The following PKHD1 variants were observed in gnomAD, a reference collection of about 807,000 sequenced individuals.
The protein encoded by PKHD1 is fibrocystin.
A neutral mutation model predicts 412.0 loss-of-function variants in PKHD1; 291 were observed. That is an observed-to-expected ratio of 0.71 (90% CI 0.64 to 0.78). The LOEUF is 0.78. Among genes scored for constraint, PKHD1 ranks in the 30% least tolerant of loss-of-function variants. PKHD1 has a pLI of 0.00. For synonymous variants in PKHD1, 1,777 were observed against 1,821.5 expected, an observed-to-expected ratio of 0.98 and a Z score of 0.62; for missense variants, 4,825 against 4,950.7, an observed-to-expected ratio of 0.97 and a Z score of 0.76.
intron 36 of PKHD1, among the ~76,000 whole-genome samples, chr6:51,957,532 A>C (rs886961959): frequency 8.5e-5 from 13 of 152,084 alleles, no homozygotes; most frequent in African/African-American, 2.9e-4. Context: ...TAGGCCAAAA[A>C]TGTGGTGGTT....
intron 60 of PKHD1, among the ~76,000 whole-genome samples, chr6:51,703,311 T>C (rs541053371): frequency 6.6e-6 from 1 of 152,096 alleles, no homozygotes; most frequent in South Asian, 2.1e-4. Context: ...TAGTGGTGGG[T>C]GTTCCAGTAA....
chr6:51,957,824 C>A (rs190543810), intron 36 of PKHD1, among the ~76,000 whole-genome samples: 2 of 152,200 alleles, frequency 1.3e-5, no homozygotes, highest in African/African-American at 4.8e-5. Flanking sequence ...CAACTCTAAT[C>A]TTACACAACT....
At position 52,005,835 on chromosome 6, in the gene PKHD1, G is replaced by A. The variant is rs58332183; in HGVS notation, c.5751+4474C>T. 1.4e-3 allele frequency among the ~76,000 whole-genome samples: 220 copies of A among 151,760 alleles called. 1 individual carries two copies. Among genetic ancestry groups the A allele is most frequent in the African/African-American group, 4.9e-3 (204 of 41,344 alleles). On this transcript the variant is annotated intron_variant, in intron 35 of 66. Coordinates refer to ENST00000371117, the MANE Select transcript of PKHD1 (RefSeq NM_138694.4). ...AAAGTCCTTTGGTAGGAAAACCTACGTAACTTTTTTTTTTAATTTGTTTTG... is the reference window on the plus strand; with the variant it reads ...AAAGTCCTTTGGTAGGAAAACCTACATAACTTTTTTTTTTAATTTGTTTTG...
At chr6:52,033,538 T>A (rs995488021) in intron 28 of PKHD1, among the ~76,000 whole-genome samples, 3 of 151,970 alleles carry the variant, frequency 2.0e-5, no homozygotes, top group Admixed American at 1.3e-4. Context: ...AGTATGAGAG[T>A]ACTTTCAGAC....
At chr6:51,757,718 A>G (rs1787255252) in intron 55 of PKHD1, among the ~76,000 whole-genome samples, 1 of 152,024 alleles carries the variant, frequency 6.6e-6, no homozygotes, top group Non-Finnish European at 1.5e-5. Context: ...AAGACTATAT[A>G]AGGCCAGGTA....
Position 52,039,052 on chromosome 6 carries a change from C to T in PKHD1, c.3098-3331G>A, listed in dbSNP as rs376580709. Among the ~76,000 whole-genome samples the T allele has an allele frequency of 8.4e-4, 128 of 152,254 alleles. 1 individual carries two copies. Among genetic ancestry groups the T allele is most frequent in the African/African-American group, 2.8e-3 (118 of 41,554 alleles). ...ACCTCAACAATAAAATGACAAATAACTCAATTTAAAAATTGGCAAGATTTG... is the reference window on the plus strand; with the variant it reads ...ACCTCAACAATAAAATGACAAATAATTCAATTTAAAAATTGGCAAGATTTG... On this transcript the variant is annotated intron_variant, in intron 27 of 66. Transcript: ENST00000371117.
chr6:51,722,916 C>G (rs988357094), intron 60 of PKHD1, among the ~76,000 whole-genome samples: 1 of 152,142 alleles, frequency 6.6e-6, no homozygotes, highest in African/African-American at 2.4e-5. Flanking sequence ...GGAACCACCA[C>G]AGAAATAGGC....
intron 43 of PKHD1, among the ~76,000 whole-genome samples, chr6:51,896,199 T>C (rs1779945933): frequency 6.6e-6 from 1 of 151,610 alleles, no homozygotes; most frequent in Non-Finnish European, 1.5e-5. Flanking sequence ...CTCTGTAGGC[T>C]CCACCTCTGG....
At chr6:51,928,863 G>T (rs1786122364) in intron 37 of PKHD1, among the ~76,000 whole-genome samples, 1 of 152,162 alleles carries the variant, frequency 6.6e-6, no homozygotes, top group Admixed American at 6.5e-5. Context: ...TAAGGCCATT[G>T]TCTTTCTCTC....
chr6:51,722,164 T>C (rs948284196), intron 60 of PKHD1: 4 of 1,385,502 alleles, frequency 2.9e-6, no homozygotes, highest in Non-Finnish European at 2.0e-6. Flanking sequence ...TCTTTACTCA[T>C]GCCCGCCCTC....
At chr6:52,048,368 G>A (rs912055313) in intron 23 of PKHD1, 124 bp downstream of exon 23, 4 of 1,030,168 alleles carry the variant, frequency 3.9e-6, no homozygotes, top group African/African-American at 1.6e-5. Context: ...TTCAGACACT[G>A]GAAAATAAAT....
rs755140707 is a variant in PKHD1, at chr6:52,064,995, C to A, written c.936G>T (p.Arg312=). 6.2e-7 allele frequency: 1 copy of A among 1,604,508 alleles called. No individual in the cohort carries two copies. The highest frequency in any genetic ancestry group is 1.4e-5 in the African/African-American group (1 of 72,736). ...TGAGCCTCACATCTTTTCCTGGAGC[C>A]CGAGTGGTGCACTCAATCTTCCTGG... The part of the protein sequence containing the change: ...VSPRKIECTT[R]APGKDVRLTT... Residue 312 remains arginine (R), a synonymous_variant, in exon 13 of 67, where the codon CGG becomes CGT. Coordinates refer to ENST00000371117, the MANE Select transcript of PKHD1 (RefSeq NM_138694.4).
intron 60 of PKHD1, among the ~76,000 whole-genome samples, chr6:51,707,200 A>C (rs1780112951): frequency 6.6e-6 from 1 of 152,160 alleles, no homozygotes; most frequent in Non-Finnish European, 1.5e-5. Flanking sequence ...CTGTCCCAAG[A>C]AAGAATGTTG....
chr6:51,641,860 A>T (rs907557194), intron 63 of PKHD1, among the ~76,000 whole-genome samples: 1 of 152,174 alleles, frequency 6.6e-6, no homozygotes, highest in Non-Finnish European at 1.5e-5. Context: ...ACATATGGGC[A>T]CAGGGAGGGG....
At chr6:52,077,250 G>A (rs916278162) in intron 5 of PKHD1, among the ~76,000 whole-genome samples, 2 of 152,140 alleles carry the variant, frequency 1.3e-5, no homozygotes, top group African/African-American at 2.4e-5. Flanking sequence ...TCACCTGTAG[G>A]CATCTGTGTT....
At position 51,746,842 on chromosome 6, in the gene PKHD1, C is replaced by G. The variant is rs1060501356; in HGVS notation, c.9877G>C (p.Asp3293His). ...TCTGCATTTGGTAGAATGCAGACAT[C>G]CAGGTCATCGCTATAGCAACTCTTC... ...FVKSCYSDDL[D>H]VCILPNAENS... The change falls in exon 59 of 67, where the codon GAT (aspartate) becomes CAT (histidine). Residue 3293 changes from aspartate to histidine, a missense_variant. Physicochemically the swap from Asp to His is moderately conservative, Grantham distance 81. Transcript: ENST00000371117. The G allele has an allele frequency of 6.2e-7, 1 of 1,610,780 alleles. No homozygotes were observed. The highest frequency in any genetic ancestry group is 8.5e-7 in the Non-Finnish European group (1 of 1,177,554).
intron 60 of PKHD1, among the ~76,000 whole-genome samples, chr6:51,724,738 A>C (rs1224092477): frequency 6.6e-6 from 1 of 152,208 alleles, no homozygotes; most frequent in Non-Finnish European, 1.5e-5. Context: ...TAAGTTAAGG[A>C]TCTTGAGTGA....
chr6:51,628,447 T>C (rs947444576), intron 65 of PKHD1, among the ~76,000 whole-genome samples: 1 of 152,220 alleles, frequency 6.6e-6, no homozygotes, highest in Non-Finnish European at 1.5e-5. Flanking sequence ...ATGGTATATA[T>C]GTATCACATT....
chr6:51,927,042 C>T (rs566032894), intron 37 of PKHD1, among the ~76,000 whole-genome samples: 60 of 152,228 alleles, frequency 3.9e-4, no homozygotes, highest in Non-Finnish European at 6.2e-4. Flanking sequence ...AACCCCAACA[C>T]TGAATTAAAG....
Sources: gnomAD v4.1 joint callset for allele counts (sites outside exome capture counted in the v4.1 genomes callset) on GRCh38, gnomAD v4.1.1 for gene constraint, MANE v1.5 for transcripts, NCBI Gene and HGNC (gene_info 2026-07-23, HGNC 2026-07-21) for gene names.